PUS7: variants seen among roughly 807,000 people sequenced by gnomAD.
The protein encoded by PUS7 is pseudouridine synthase 7.
Under a neutral mutation model 79.8 loss-of-function variants are expected in PUS7, and 48 were observed. The ratio of observed to expected loss-of-function variants is 0.60; its 90% CI spans 0.48 to 0.76. The LOEUF is 0.76. PUS7 is among the 30% of genes least tolerant of loss of function. The pLI is 0.00. For synonymous variants in PUS7, 286 were observed against 272.2 expected (o/e 1.05, Z -0.50); for missense variants, 729 against 797.6 (o/e 0.91, Z 1.04).
chr7:105,501,286 AG>A (rs1272829363), intron 5 of PUS7, among the ~76,000 whole-genome samples: 15 of 152,248 alleles, frequency 9.9e-5, no homozygotes, highest in African/African-American at 3.4e-4. Context: ...AAATATATCT[AG>A]GAATAAATGT....
chr7:105,497,086 TCTACAGCACCCGGTAG>T, intron 5 of PUS7: 1 of 692,582 alleles, frequency 1.4e-6, no homozygotes, highest in Non-Finnish European at 1.9e-6. Flanking sequence ...ACTGAGGACT[TCTACAGCACCCGGTAG>T]TTATGCGGTG....
chr7:105,491,513 A>C, intron 7 of PUS7, 27 bp downstream of exon 7: 2 of 1,451,178 alleles, frequency 1.4e-6, no homozygotes, highest in South Asian at 2.4e-5. Flanking sequence ...TTTACAGTAT[A>C]AATCCTGTTA....
intron 4 of PUS7, among the ~76,000 whole-genome samples, chr7:105,505,378 C>T (rs1243266150): frequency 6.6e-6 from 1 of 152,134 alleles, no homozygotes; most frequent in African/African-American, 2.4e-5. Flanking sequence ...GCAGAATTGA[C>T]CCACGATGAG....
chr7:105,472,236 A>T (rs770886473), intron 9 of PUS7, 43 bp from the exon 10 acceptor site: 22 of 1,159,872 alleles, frequency 1.9e-5, no homozygotes, highest in Middle Eastern at 2.6e-4. Flanking sequence ...TTGCATAAAG[A>T]TAAAACTTTA....
intron 6 of PUS7, among the ~76,000 whole-genome samples, chr7:105,492,515 T>A (rs1228458982): frequency 1.4e-5 from 2 of 141,816 alleles, no homozygotes; most frequent in African/African-American, 5.3e-5. Context: ...TTTTTTTTTT[T>A]TTTTTTTTGA....
At chr7:105,478,417 A>G (rs1824191776) in intron 9 of PUS7, among the ~76,000 whole-genome samples, 1 of 152,178 alleles carries the variant, frequency 6.6e-6, no homozygotes, top group Admixed American at 6.5e-5. Flanking sequence ...TCGTTATACC[A>G]TTTTACATTT....
At chr7:105,508,635 T>C in intron 1 of PUS7, 91 bp from the exon 2 acceptor site, 1 of 1,480,918 alleles carries the variant, frequency 6.8e-7, no homozygotes, top group Non-Finnish European at 8.9e-7. Flanking sequence ...CCCAGCGTTT[T>C]GAGGGAGGTT....
chr7:105,510,703 CAG>C (rs1272129248), intron 1 of PUS7, among the ~76,000 whole-genome samples: 4 of 151,992 alleles, frequency 2.6e-5, no homozygotes, highest in South Asian at 4.1e-4. Context: ...TTGGTAGAGA[CAG>C]GGGTTCACCA....
At chr7:105,467,203 C>A (rs149839231) in intron 12 of PUS7, among the ~76,000 whole-genome samples, 15 of 152,018 alleles carry the variant, frequency 9.9e-5, no homozygotes, top group African/African-American at 2.7e-4. Context: ...CAATGGGCTC[C>A]ATGGAAGATG....
intron 15 of PUS7, 97 bp downstream of exon 15, chr7:105,459,071 G>T: frequency 1.6e-6 from 1 of 610,596 alleles, no homozygotes; most frequent in Non-Finnish European, 2.8e-6. Flanking sequence ...CATGGGTGGT[G>T]GTAGTGCTTG....
chr7:105,481,210 A>G (rs1348482165), intron 8 of PUS7, 33 bp from the exon 9 acceptor site: 1 of 1,589,572 alleles, frequency 6.3e-7, no homozygotes, highest in Non-Finnish European at 8.6e-7. Context: ...GAGGAAAAAA[A>G]GTTACAGTCA....
chr7:105,478,977 T>A (rs1013487828), intron 9 of PUS7, among the ~76,000 whole-genome samples: 1 of 146,738 alleles, frequency 6.8e-6, no homozygotes, highest in African/African-American at 2.4e-5. Flanking sequence ...TCTGCCAAAT[T>A]AATTACAAAT....
At chr7:105,465,951 A>C (rs926829098) in intron 12 of PUS7, among the ~76,000 whole-genome samples, 1 of 152,188 alleles carries the variant, frequency 6.6e-6, no homozygotes, top group African/African-American at 2.4e-5. Context: ...TGAGCCCAGG[A>C]GTTCCAGAGC....
intron 10 of PUS7, 109 bp from the exon 11 acceptor site, chr7:105,470,957 T>C (rs973047461): frequency 2.4e-5 from 29 of 1,232,706 alleles, no homozygotes; most frequent in African/African-American, 3.0e-5. Context: ...ACTTGAAATA[T>C]AGGTGCTGTT....
At chr7:105,495,528 CA>C (rs34402162) in intron 5 of PUS7, among the ~76,000 whole-genome samples, 6,847 of 152,042 alleles carry the variant, frequency 0.045, 216 homozygotes, top group South Asian at 0.12. Context: ...CCAAGGCGGG[CA>C]AGATGGCTTG....
At chr7:105,520,126 CCA>C (rs1826047608) in intron 1 of PUS7, among the ~76,000 whole-genome samples, 2 of 152,172 alleles carry the variant, frequency 1.3e-5, no homozygotes, top group Non-Finnish European at 2.9e-5. Flanking sequence ...AAGTTCAAGA[CCA>C]GCCTGGCCAA....
chr7:105,485,915 C>T (rs1201941142), intron 7 of PUS7, among the ~76,000 whole-genome samples: 1 of 152,002 alleles, frequency 6.6e-6, no homozygotes, highest in African/African-American at 2.4e-5. Context: ...CAGCCTTAGC[C>T]TCCTGAGAAG....
Position 105,459,252 on chromosome 7 carries a change from C to G in PUS7, c.1765G>C (p.Val589Leu). Residue 589 changes from valine (V) to leucine (L), a missense_variant, in exon 15 of 16, where the codon GTT (valine) becomes CTT (leucine). Physicochemically the swap from Val to Leu is conservative, Grantham distance 32 (BLOSUM62 1). Transcript: ENST00000469408. ...GGAATTTTGGGATCATCATATGCAA[C>G]GACTTCCCTTCAAAACATATGAATA... ...IRPQNVSWEV[V>L]AYDDPKIPLF... 6.2e-7 allele frequency: 1 copy of G among 1,606,646 alleles called. No homozygotes were observed. Among genetic ancestry groups the G allele is most frequent in the Non-Finnish European group, 8.5e-7 (1 of 1,174,126 alleles).
chr7:105,465,241 T>C, intron 13 of PUS7, 72 bp downstream of exon 13: 1 of 1,132,200 alleles, frequency 8.8e-7, no homozygotes, highest in African/African-American at 1.6e-5. Flanking sequence ...AACCAAAGTT[T>C]ATATATGCTT....
Sources: gnomAD v4.1 joint callset for allele counts (sites outside exome capture counted in the v4.1 genomes callset) on GRCh38, gnomAD v4.1.1 for gene constraint, MANE v1.5 for transcripts, NCBI Gene and HGNC (gene_info 2026-07-23, HGNC 2026-07-21) for gene names.